Variants in B4GALNT3 observed in about 807,000 individuals in gnomAD.
B4GALNT3 encodes the protein beta-1,4-N-acetylgalactosaminyltransferase 3.
B4GALNT3 carries 86 observed loss-of-function variants against 120.2 expected under a neutral mutation model. That is an observed-to-expected ratio of 0.72 (90% confidence interval 0.60 to 0.86). The LOEUF (loss-of-function observed/expected upper bound fraction) is 0.86. Ranked by LOEUF, B4GALNT3 falls within the 40% of genes least tolerant of loss-of-function variation. The pLI is 0.00. For missense variants in B4GALNT3, 1,167 were observed against 1,298.9 expected, an observed-to-expected ratio of 0.90 and a Z score of 1.56; for synonymous variants, 518 against 510.4, an observed-to-expected ratio of 1.01 and a Z score of -0.20.
chr12:553,886 C>T lies in B4GALNT3; in HGVS notation c.1963C>T (p.Leu655=). The T allele has an allele frequency of 6.2e-7, 1 of 1,614,198 alleles. No individual in the cohort carries two copies. The highest frequency in any genetic ancestry group is 8.5e-7 in the Non-Finnish European group (1 of 1,180,010). ...FQALRTDWID[L]SCNTSGNLLL... Reference sequence around the variant, plus strand: ...AGCCCTGAGGACTGACTGGATCGATCTGAGCTGTAACACATCTGGCAACCT... The same window carrying T: ...AGCCCTGAGGACTGACTGGATCGATTTGAGCTGTAACACATCTGGCAACCT... The change falls in exon 14 of 20, where the codon CTG becomes TTG. Residue 655 remains leucine (L), a synonymous_variant. Coordinates refer to ENST00000266383, the MANE Select transcript of B4GALNT3 (RefSeq NM_173593.4).
chr12:498,080 C>T (rs11063281), intron 1 of B4GALNT3, among the ~76,000 whole-genome samples: 21,280 of 152,110 alleles, frequency 0.14, 2,026 homozygotes, highest in Admixed American at 0.31. Context: ...TATACACACA[C>T]GCCCCTTCAC....
intron 1 of B4GALNT3, among the ~76,000 whole-genome samples, chr12:490,135 CTTATA>C (rs909850886): frequency 1.3e-5 from 2 of 152,030 alleles, no homozygotes; most frequent in African/African-American, 2.4e-5. Flanking sequence ...ACACTGAATG[CTTATA>C]TTAGAAGAGA....
intron 1 of B4GALNT3, among the ~76,000 whole-genome samples, chr12:523,604 G>A (rs1946733403): frequency 6.6e-6 from 1 of 152,186 alleles, no homozygotes; most frequent in Admixed American, 6.5e-5. Context: ...AGAATCAAAG[G>A]CCTAGGCTCT....
chr12:556,107 C>G (rs370737031), intron 14 of B4GALNT3, among the ~76,000 whole-genome samples: 8 of 152,118 alleles, frequency 5.3e-5, no homozygotes, highest in Non-Finnish European at 7.3e-5. Flanking sequence ...AAATAGCCAT[C>G]CTGGTGAGTG....
intron 3 of B4GALNT3, among the ~76,000 whole-genome samples, chr12:543,988 G>T (rs796740383): frequency 2.5e-3 from 250 of 101,176 alleles, no homozygotes; most frequent in African/African-American, 6.6e-3. Flanking sequence ...GAGCTGAGGA[G>T]CTGGGGCGGG....
chr12:515,399 A>G (rs1484872902), intron 1 of B4GALNT3, among the ~76,000 whole-genome samples: 2 of 151,836 alleles, frequency 1.3e-5, no homozygotes, highest in African/African-American at 2.4e-5. Flanking sequence ...GGGTTTCACC[A>G]TGTTAGCCAG....
chr12:462,971 A>G (rs921440120), intron 1 of B4GALNT3, among the ~76,000 whole-genome samples: 2 of 151,938 alleles, frequency 1.3e-5, no homozygotes, highest in East Asian at 1.9e-4. Context: ...CCACCTCCAC[A>G]CTCTTGGATA....
At chr12:463,575 C>T (rs1330730651) in intron 1 of B4GALNT3, among the ~76,000 whole-genome samples, 2 of 152,052 alleles carry the variant, frequency 1.3e-5, no homozygotes, top group African/African-American at 4.8e-5. Context: ...AGCTAAGGTG[C>T]CTATATCAAA....
chr12:541,409 A>C (rs1469561451), intron 3 of B4GALNT3, among the ~76,000 whole-genome samples: 1 of 152,228 alleles, frequency 6.6e-6, no homozygotes, highest in African/African-American at 2.4e-5. Context: ...TGGAGTGACC[A>C]GTGCCCCTCC....
intron 1 of B4GALNT3, among the ~76,000 whole-genome samples, chr12:494,841 G>T (rs1187239379): frequency 6.6e-6 from 1 of 152,104 alleles, no homozygotes; most frequent in Non-Finnish European, 1.5e-5. Flanking sequence ...TTATTCTTAT[G>T]TATTCTTTGA....
intron 14 of B4GALNT3, chr12:555,146 C>G (rs1047954704): frequency 6.4e-6 from 2 of 311,034 alleles, no homozygotes; most frequent in African/African-American, 4.4e-5. Flanking sequence ...CCATTGCACT[C>G]CAGCCTGGGC....
At chr12:536,331 A>C (rs745334811) in intron 3 of B4GALNT3, 36 bp downstream of exon 3, 4 of 1,532,072 alleles carry the variant, frequency 2.6e-6, no homozygotes, top group Non-Finnish European at 3.6e-6. Flanking sequence ...CCTTTGAGAG[A>C]GCTAAAAAAT....
At chr12:545,785 TAAGAGGAATGGGGAGGA>T (rs2120698175) in intron 6 of B4GALNT3, among the ~76,000 whole-genome samples, 1 of 24,480 alleles carries the variant, frequency 4.1e-5, no homozygotes, top group African/African-American at 1.8e-4. Flanking sequence ...AGTGGGGAGG[TAAGAGGAATGGGGAGGA>T]GCGAGGAGTG....
Position 556,997 on chromosome 12 carries a change from T to C in B4GALNT3, c.2380+131T>C, listed in dbSNP as rs76247186. ...AAGACCACCTTATAGTTGAGGAAAC[T>C]GAGGCTCACAAAAGGAAAGTCACTG... is the stretch of plus-strand genomic sequence containing the variant. On this transcript the variant is annotated intron_variant, in intron 15 of 19. Transcript: ENST00000266383. 0.012 allele frequency: 11,819 copies of C among 990,514 alleles called. 926 individuals are homozygous for C. In the African/African-American group the frequency reaches 0.17, roughly 14 times the overall value. The allele number at this position is 990,514 out of a possible 1,614,324, so 61.4% of individuals were successfully genotyped here.
At chr12:473,301 A>G (rs1331675494) in intron 1 of B4GALNT3, among the ~76,000 whole-genome samples, 3 of 152,266 alleles carry the variant, frequency 2.0e-5, no homozygotes, top group Non-Finnish European at 2.9e-5. Flanking sequence ...CATCCCAGGA[A>G]CTTGTGACTG....
intron 3 of B4GALNT3, among the ~76,000 whole-genome samples, chr12:541,260 T>C (rs1210620574): frequency 6.6e-6 from 1 of 152,192 alleles, no homozygotes; most frequent in African/African-American, 2.4e-5. Context: ...TTGCTGTGTG[T>C]CCTTGGGGAG....
chr12:480,912 C>T (rs1232394856), intron 1 of B4GALNT3, among the ~76,000 whole-genome samples: 3 of 152,246 alleles, frequency 2.0e-5, no homozygotes, highest in Non-Finnish European at 4.4e-5. Context: ...AGGCCAAGGA[C>T]TGGACCAGTC....
intron 1 of B4GALNT3, among the ~76,000 whole-genome samples, chr12:499,076 A>G (rs992424456): frequency 6.6e-6 from 1 of 152,190 alleles, no homozygotes; most frequent in Non-Finnish European, 1.5e-5. Context: ...GCCCTTCATA[A>G]TGTATAATTT....
At chr12:521,696 G>A (rs1339871547) in intron 1 of B4GALNT3, among the ~76,000 whole-genome samples, 2 of 152,180 alleles carry the variant, frequency 1.3e-5, no homozygotes, top group African/African-American at 4.8e-5. Context: ...CACGTTCAGT[G>A]GGACGATTCC....
Sources: allele counts gnomAD v4.1 joint callset (sites outside exome capture counted in the v4.1 genomes callset), GRCh38; gene constraint gnomAD v4.1.1; transcripts MANE v1.5; gene names NCBI Gene and HGNC (gene_info 2026-07-23, HGNC 2026-07-21).